The following MIPOL1 variants were observed in gnomAD, a reference collection of about 807,000 sequenced individuals.
The protein encoded by MIPOL1 is mirror-image polydactyly gene 1 protein.
In MIPOL1, 57 loss-of-function variants were observed where a neutral mutation model predicts 60.9. The observed-to-expected ratio is 0.94, with a 90% CI of 0.76 to 1.17. MIPOL1 has a LOEUF of 1.17. Ranked by LOEUF, MIPOL1 falls within the 50% of genes most tolerant of loss-of-function variation. MIPOL1 has a pLI of 0.00. For synonymous variants in MIPOL1, 179 were observed against 168.8 expected, an observed-to-expected ratio of 1.06 and a Z score of -0.47; for missense variants, 551 against 511.6, an observed-to-expected ratio of 1.08 and a Z score of -0.74.
At chr14:37,199,025 A>G (rs1046173901) in intron 1 of MIPOL1, among the ~76,000 whole-genome samples, 1 of 152,340 alleles carries the variant, frequency 6.6e-6, no homozygotes, top group Admixed American at 6.5e-5. Context: ...CATGTCATTG[A>G]TGGGAGGTAA....
chr14:37,442,177 GTTA>G (rs1175769465), intron 11 of MIPOL1, among the ~76,000 whole-genome samples: 2 of 151,484 alleles, frequency 1.3e-5, no homozygotes. Context: ...TCAGCTGAAT[GTTA>G]TTGTTGTACA....
At chr14:37,228,040 A>G (rs995031671) in intron 1 of MIPOL1, among the ~76,000 whole-genome samples, 3 of 152,120 alleles carry the variant, frequency 2.0e-5, no homozygotes, top group African/African-American at 4.8e-5. Flanking sequence ...ATCTCTTTTC[A>G]TTACTCCAGC....
chr14:37,519,733 T>C (rs2095398600), intron 12 of MIPOL1, among the ~76,000 whole-genome samples: 1 of 152,138 alleles, frequency 6.6e-6, no homozygotes, highest in South Asian at 2.1e-4. Flanking sequence ...AAAATAGTAA[T>C]AATGATAATG....
intron 11 of MIPOL1, among the ~76,000 whole-genome samples, chr14:37,477,129 A>G (rs1001852948): frequency 4.0e-5 from 6 of 151,714 alleles, no homozygotes; most frequent in African/African-American, 7.2e-5. Context: ...TGAACTTTTG[A>G]TCTCAGGTTA....
At chr14:37,392,329 CA>C (rs751053655) in intron 10 of MIPOL1, among the ~76,000 whole-genome samples, 37 of 152,254 alleles carry the variant, frequency 2.4e-4, no homozygotes, top group Non-Finnish European at 4.9e-4. Flanking sequence ...AGCACTATTA[CA>C]ATGGTATTAG....
At chr14:37,402,482 A>G (rs1446480890) in intron 10 of MIPOL1, among the ~76,000 whole-genome samples, 1 of 152,192 alleles carries the variant, frequency 6.6e-6, no homozygotes, top group Non-Finnish European at 1.5e-5. Flanking sequence ...CATGCTGAAC[A>G]GTGGGCATCT....
chr14:37,500,515 T>A (rs2095200610), intron 12 of MIPOL1, among the ~76,000 whole-genome samples: 1 of 152,124 alleles, frequency 6.6e-6, no homozygotes, highest in Non-Finnish European at 1.5e-5. Flanking sequence ...TGAGTTGAGA[T>A]CATCTGTGAC....
chr14:37,440,053 T>C (rs1298236890), intron 11 of MIPOL1, among the ~76,000 whole-genome samples: 1 of 152,028 alleles, frequency 6.6e-6, no homozygotes, highest in African/African-American at 2.4e-5. Flanking sequence ...CACTATGTTA[T>C]CCTAGCTGGT....
intron 7 of MIPOL1, among the ~76,000 whole-genome samples, chr14:37,298,775 A>G (rs1370522656): frequency 1.3e-4 from 20 of 151,624 alleles, no homozygotes; most frequent in Non-Finnish European, 2.4e-4. Flanking sequence ...TTAGAATGGC[A>G]ATCATTAAAA....
chr14:37,470,189 T>C lies in MIPOL1; in HGVS notation c.1032-29719T>C, dbSNP rs148792522. On this transcript the variant is annotated intron_variant, in intron 11 of 12. Coordinates refer to ENST00000684589, the MANE Select transcript of MIPOL1 (RefSeq NM_001388067.1). ...ACATTGAATTAAGATATTTGAAGAA[T>C]GGTCACGTGGAGATGTTTATGAGGT... 3.1e-3 allele frequency among the ~76,000 whole-genome samples: 465 copies of C among 152,264 alleles called. 3 individuals carry two copies. The highest frequency in any genetic ancestry group is 0.01 in the African/African-American group (431 of 41,558).
intron 11 of MIPOL1, among the ~76,000 whole-genome samples, chr14:37,431,798 G>A (rs1158745749): frequency 6.6e-6 from 1 of 151,146 alleles, no homozygotes; most frequent in African/African-American, 2.4e-5. Flanking sequence ...TGTTAGCCAG[G>A]ATGGTCTCGG....
At chr14:37,462,558 A>G (rs2094551873) in intron 11 of MIPOL1, among the ~76,000 whole-genome samples, 2 of 152,174 alleles carry the variant, frequency 1.3e-5, no homozygotes, top group Admixed American at 1.3e-4. Flanking sequence ...TCAGGCTGCA[A>G]ATTTTCTAAA....
chr14:37,526,102 G>A (rs2095444439), intron 12 of MIPOL1, among the ~76,000 whole-genome samples: 1 of 151,830 alleles, frequency 6.6e-6, no homozygotes, highest in Non-Finnish European at 1.5e-5. Flanking sequence ...CACCAAAAAT[G>A]TGATAGATAA....
At chr14:37,419,721 C>T (rs961210240) in intron 10 of MIPOL1, among the ~76,000 whole-genome samples, 3 of 151,022 alleles carry the variant, frequency 2.0e-5, no homozygotes, top group African/African-American at 7.3e-5. Flanking sequence ...GAGTGTGATA[C>T]GTGGAATGGG....
At chr14:37,399,314 T>C (rs1476791974) in intron 10 of MIPOL1, among the ~76,000 whole-genome samples, 4 of 152,182 alleles carry the variant, frequency 2.6e-5, no homozygotes, top group Admixed American at 2.6e-4. Context: ...TAAAAATACT[T>C]GCCCTATGAG....
chr14:37,514,191 C>G (rs557843538), intron 12 of MIPOL1, among the ~76,000 whole-genome samples: 1 of 151,988 alleles, frequency 6.6e-6, no homozygotes, highest in African/African-American at 2.4e-5. Flanking sequence ...TACGCTTTTC[C>G]CTTCTTTTGT....
intron 9 of MIPOL1, among the ~76,000 whole-genome samples, chr14:37,327,773 G>T (rs1420802696): frequency 6.6e-6 from 1 of 152,138 alleles, no homozygotes; most frequent in Non-Finnish European, 1.5e-5. Flanking sequence ...CTTTTTAAAA[G>T]AAACTATTAT....
chr14:37,309,542 C>T (rs55938720), intron 9 of MIPOL1, among the ~76,000 whole-genome samples: 9,015 of 152,164 alleles, frequency 0.059, 350 homozygotes, highest in Non-Finnish European at 0.088. Flanking sequence ...CTACTTTAGT[C>T]ATTGTGTGCT....
Position 37,253,423 on chromosome 14 carries a change from C to G in MIPOL1, c.19+5516C>G, listed in dbSNP as rs1032443497. Among the ~76,000 whole-genome samples the G allele has an allele frequency of 7.2e-5, 11 of 151,740 alleles. No individual in the cohort carries two copies. In the South Asian group the frequency reaches 2.3e-3, roughly 31 times the overall value. On this transcript the variant is annotated intron_variant, in intron 3 of 12. Coordinates refer to ENST00000684589, the MANE Select transcript of MIPOL1 (RefSeq NM_001388067.1). ...AAAGTCCCTACTACAATGTCTGAAA[C>G]AGGAAATGAATTTATTTAATCTGTA...
Sources: gnomAD v4.1 joint callset for allele counts (sites outside exome capture counted in the v4.1 genomes callset) on GRCh38, gnomAD v4.1.1 for gene constraint, MANE v1.5 for transcripts, NCBI Gene and HGNC (gene_info 2026-07-23, HGNC 2026-07-21) for gene names.